Variants in PPARGC1A observed in about 807,000 individuals in gnomAD.
The protein encoded by PPARGC1A is PPARG coactivator 1 alpha.
Under a neutral mutation model 88.7 loss-of-function variants are expected in PPARGC1A, and 25 were observed. The ratio of observed to expected loss-of-function variants is 0.28; its 90% CI spans 0.21 to 0.39. The LOEUF (loss-of-function observed/expected upper bound fraction) is 0.39. PPARGC1A is among the 10% of genes least tolerant of loss of function. PPARGC1A has a pLI of 1.00. For synonymous variants in PPARGC1A, 363 were observed against 355.6 expected (o/e 1.02, Z -0.24); for missense variants, 880 against 968.7 (o/e 0.91, Z 1.22).
intron 2 of PPARGC1A, among the ~76,000 whole-genome samples, chr4:23,845,155 C>A (rs1315324188): frequency 6.6e-6 from 1 of 152,004 alleles, no homozygotes; most frequent in Non-Finnish European, 1.5e-5. Context: ...CGGAGGCCTG[C>A]TGTGAATACC....
chr4:24,396,054 G>T, the PPARGC1A span, among the ~76,000 whole-genome samples: 1 of 152,028 alleles, frequency 6.6e-6, no homozygotes, highest in East Asian at 1.9e-4. Flanking sequence ...GATGCAACAG[G>T]TGTCCGAGAG....
chr4:23,925,702 G>A, the PPARGC1A span, among the ~76,000 whole-genome samples: 7 of 152,276 alleles, frequency 4.6e-5, no homozygotes, highest in South Asian at 4.1e-4. Context: ...TTCATTGGAA[G>A]GGGTAAGATG....
chr4:23,858,234 T>A (rs1730563298), intron 2 of PPARGC1A, among the ~76,000 whole-genome samples: 1 of 152,166 alleles, frequency 6.6e-6, no homozygotes, highest in Non-Finnish European at 1.5e-5. Context: ...ATGCATTGTC[T>A]CATTTAATTT....
the PPARGC1A span, among the ~76,000 whole-genome samples, chr4:24,472,628 G>A: frequency 6.6e-6 from 1 of 152,170 alleles, no homozygotes; most frequent in African/African-American, 2.4e-5. The surrounding 1 kb of genome is among the most constrained non-coding windows in gnomAD (Gnocchi z 4.5). Context: ...ACTCTCGGCG[G>A]TGCTCCCTCT....
the PPARGC1A span, among the ~76,000 whole-genome samples, chr4:24,410,660 A>C: frequency 1.3e-5 from 2 of 152,144 alleles, no homozygotes; most frequent in African/African-American, 4.8e-5. Flanking sequence ...GCACAATCTA[A>C]TCAGCTGCCA....
At chr4:23,896,276 C>G (rs1297939315) in intron 1 of PPARGC1A, among the ~76,000 whole-genome samples, 3 of 152,036 alleles carry the variant, frequency 2.0e-5, no homozygotes, top group Non-Finnish European at 1.5e-5. Flanking sequence ...TATAAACATG[C>G]ATGACTTTTA....
At chr4:24,095,115 CTT>C in the PPARGC1A span, among the ~76,000 whole-genome samples, 73 of 122,394 alleles carry the variant, frequency 6.0e-4, no homozygotes, top group Admixed American at 2.3e-3. Context: ...GAAATAGGGT[CTT>C]TTTTTTTTTT....
At chr4:23,893,708 C>T (rs1718177004), upstream of PPARGC1A, among the ~76,000 whole-genome samples, 1 of 152,116 alleles carries the variant, frequency 6.6e-6, no homozygotes, top group Admixed American at 6.6e-5. Context: ...CATTTTCTCT[C>T]TTACACACAG....
intron 10 of PPARGC1A, among the ~76,000 whole-genome samples, chr4:23,809,321 A>G (rs1221179837): frequency 1.3e-5 from 2 of 152,152 alleles, no homozygotes; most frequent in Admixed American, 1.3e-4. Flanking sequence ...ATGTAGGTAA[A>G]CTCATTAAAT....
the PPARGC1A span, among the ~76,000 whole-genome samples, chr4:24,381,942 C>T: frequency 4.6e-5 from 7 of 152,170 alleles, no homozygotes; most frequent in East Asian, 1.3e-3. Flanking sequence ...TTAGGAACTT[C>T]AATCCATATT....
chr4:24,381,846 T>C, the PPARGC1A span, among the ~76,000 whole-genome samples: 1 of 152,248 alleles, frequency 6.6e-6, no homozygotes, highest in Admixed American at 6.5e-5. Context: ...TCCACTTTTA[T>C]AGTACAAAGT....
the PPARGC1A span, among the ~76,000 whole-genome samples, chr4:24,278,332 A>T: frequency 6.6e-6 from 1 of 152,216 alleles, no homozygotes; most frequent in Non-Finnish European, 1.5e-5. Context: ...CTATACCTTT[A>T]AAAGGAACTT....
chr4:23,973,930 C>T, the PPARGC1A span, among the ~76,000 whole-genome samples: 3 of 151,280 alleles, frequency 2.0e-5, no homozygotes, highest in African/African-American at 4.8e-5. Context: ...AAAACTAGCT[C>T]TTGAGGCAAA....
chr4:23,927,440 G>T, the PPARGC1A span, among the ~76,000 whole-genome samples: 1 of 152,124 alleles, frequency 6.6e-6, no homozygotes, highest in African/African-American at 2.4e-5. Context: ...AAGGTTTATG[G>T]TTTTTTCTTG....
intron 10 of PPARGC1A, among the ~76,000 whole-genome samples, chr4:23,807,337 T>C (rs1719992420): frequency 6.6e-6 from 1 of 152,120 alleles, no homozygotes; most frequent in South Asian, 2.1e-4. Flanking sequence ...TACTAGGGGG[T>C]GTTCTTAGAG....
At chr4:23,867,827 T>C (rs1447266716) in intron 2 of PPARGC1A, among the ~76,000 whole-genome samples, 1 of 152,214 alleles carries the variant, frequency 6.6e-6, no homozygotes, top group Non-Finnish European at 1.5e-5. Context: ...TGTACAATCA[T>C]GCACACTTTT....
At chr4:24,186,654 C>A in the PPARGC1A span, among the ~76,000 whole-genome samples, 2 of 152,024 alleles carry the variant, frequency 1.3e-5, no homozygotes, top group East Asian at 3.9e-4. Flanking sequence ...TCTATTATGG[C>A]GCAATAGTCT....
At chr4:24,043,367 A>C in the PPARGC1A span, among the ~76,000 whole-genome samples, 3 of 152,174 alleles carry the variant, frequency 2.0e-5, no homozygotes, top group Non-Finnish European at 4.4e-5. Context: ...CTGAAAGAAG[A>C]AATTGTTTGA....
At chr4:24,423,121 T>G in the PPARGC1A span, among the ~76,000 whole-genome samples, 1 of 152,116 alleles carries the variant, frequency 6.6e-6, no homozygotes, top group Non-Finnish European at 1.5e-5. Flanking sequence ...GAATTCCAGC[T>G]CAGTGTCACC....
Sources: gnomAD v4.1 joint callset for allele counts (sites outside exome capture counted in the v4.1 genomes callset) on GRCh38, gnomAD v4.1.1 for gene constraint, Gnocchi (gnomAD v3.1) non-coding constraint, MANE v1.5 for transcripts, NCBI Gene and HGNC (gene_info 2026-07-23, HGNC 2026-07-21) for gene names.